RBMS3: variants seen among roughly 807,000 people sequenced by gnomAD.
The protein encoded by RBMS3 is RNA binding motif single stranded interacting protein 3, also known as RNA-binding motif, single-stranded-interacting protein 3.
RBMS3 carries 27 observed loss-of-function variants against 66.8 expected under a neutral mutation model. That is an observed-to-expected ratio of 0.40 (90% CI 0.30 to 0.56). RBMS3 has a LOEUF of 0.56. RBMS3 is among the 20% of genes least tolerant of loss of function. RBMS3 has a pLI of 0.40. For missense variants in RBMS3, 513 were observed against 549.5 expected (o/e 0.93, Z 0.66); for synonymous variants, 188 against 183.0 (o/e 1.03, Z -0.22).
rs181439958 is a variant in RBMS3 at position 29,638,339 on chromosome 3, C to G, written c.399+51134C>G. Among the ~76,000 whole-genome samples, 8 of 151,626 alleles carry G rather than the reference C, an allele frequency of 5.3e-5. No homozygotes were observed. In the East Asian group the frequency reaches 1.4e-3, roughly 26 times the overall value. On this transcript the variant is annotated intron_variant, in intron 4 of 14. Coordinates refer to ENST00000383767, the MANE Select transcript of RBMS3 (RefSeq NM_001003793.3). ...ACATGTATTGAATTTCAATCCATGT[C>G]AAGGATAGATTATGAGCCTATCTTA...
At chr3:29,531,384 G>T (rs780959093) in intron 3 of RBMS3, among the ~76,000 whole-genome samples, 3 of 152,342 alleles carry the variant, frequency 2.0e-5, no homozygotes, top group Non-Finnish European at 2.9e-5. Context: ...GACTTACATG[G>T]ATTGTTTTCA....
chr3:29,425,201 A>AAC (rs397877360), intron 1 of RBMS3, among the ~76,000 whole-genome samples: 2 of 102,510 alleles, frequency 2.0e-5, no homozygotes, highest in Admixed American at 9.6e-5. Flanking sequence ...AAAAAAAAAA[A>AAC]CCCCCCAAAA....
At chr3:29,852,972 T>C (rs1441233903) in intron 6 of RBMS3, among the ~76,000 whole-genome samples, 1 of 152,210 alleles carries the variant, frequency 6.6e-6, no homozygotes, top group African/African-American at 2.4e-5. Flanking sequence ...TGGAATACTA[T>C]GCAGCCATAA....
intron 2 of RBMS3, among the ~76,000 whole-genome samples, chr3:29,436,933 G>C (rs1333493887): frequency 6.6e-6 from 1 of 152,232 alleles, no homozygotes; most frequent in Non-Finnish European, 1.5e-5. Flanking sequence ...GATGAGGGTA[G>C]TTGAGATGGA....
chr3:29,519,008 G>A (rs914570077), intron 3 of RBMS3, among the ~76,000 whole-genome samples: 14 of 152,162 alleles, frequency 9.2e-5, no homozygotes. Context: ...TACGCAGAGA[G>A]CAAATTCTGC....
chr3:29,627,050 A>G (rs1439743682), intron 4 of RBMS3, among the ~76,000 whole-genome samples: 1 of 152,176 alleles, frequency 6.6e-6, no homozygotes, highest in East Asian at 1.9e-4. Flanking sequence ...TATCTGAAAA[A>G]TAGTAATAAG....
intron 6 of RBMS3, among the ~76,000 whole-genome samples, chr3:29,821,202 G>T (rs1385828133): frequency 1.3e-5 from 2 of 152,028 alleles, no homozygotes; most frequent in Admixed American, 1.3e-4. Flanking sequence ...GATACAATTT[G>T]ATTTTTCTTT....
intron 3 of RBMS3, among the ~76,000 whole-genome samples, chr3:29,536,844 C>A (rs1414621783): frequency 1.3e-5 from 2 of 152,152 alleles, no homozygotes; most frequent in African/African-American, 4.8e-5. Context: ...GCTCCGACTG[C>A]AAGTGATATT....
At chr3:29,680,694 CT>C (rs2051449871) in intron 4 of RBMS3, among the ~76,000 whole-genome samples, 1 of 152,018 alleles carries the variant, frequency 6.6e-6, no homozygotes, top group South Asian at 2.1e-4. Context: ...TACAATGAAC[CT>C]TTTACTATTC....
intron 4 of RBMS3, among the ~76,000 whole-genome samples, chr3:29,677,821 G>C (rs911487646): frequency 6.6e-6 from 1 of 152,074 alleles, no homozygotes; most frequent in African/African-American, 2.4e-5. Context: ...ACACTCTTGG[G>C]GTTAGTGTAA....
At chr3:29,686,660 C>T (rs1308461637) in intron 4 of RBMS3, among the ~76,000 whole-genome samples, 1 of 152,070 alleles carries the variant, frequency 6.6e-6, no homozygotes, top group Non-Finnish European at 1.5e-5. Context: ...CTGGACCACA[C>T]AGAAAAACCC....
intron 4 of RBMS3, among the ~76,000 whole-genome samples, chr3:29,612,381 T>C (rs1179258048): frequency 6.6e-6 from 1 of 152,100 alleles, no homozygotes; most frequent in Non-Finnish European, 1.5e-5. Context: ...TTTATAGATA[T>C]GTCATAATTT....
In RBMS3 at chr3:29,892,802, A is replaced by AGTATGTTT. The variant is rs1553694235; in HGVS notation, c.792-4571_792-4570insTTGTATGT. Among the ~76,000 whole-genome samples, 916 of 140,170 alleles carry AGTATGTTT rather than the reference A, an allele frequency of 6.5e-3. 3 individuals carry two copies. Among genetic ancestry groups the AGTATGTTT allele is most frequent in the Non-Finnish European group, 0.01 (659 of 64,602 alleles). The allele number at this position is 140,170 out of a possible 152,430, so 92.0% of individuals were successfully genotyped here. A position where few individuals can be genotyped will look rare whatever the true frequency, so the allele number is the denominator to read the frequency against. ...CCAGTAGCATGACATCTCTGCTTGA[A>AGTATGTTT]GTATGTATGTATGTATGTATGTATG... On this transcript the variant is annotated intron_variant, in intron 8 of 14. Coordinates refer to ENST00000383767, the MANE Select transcript of RBMS3 (RefSeq NM_001003793.3).
intron 6 of RBMS3, among the ~76,000 whole-genome samples, chr3:29,839,134 C>T (rs1213723470): frequency 1.3e-5 from 2 of 152,114 alleles, no homozygotes; most frequent in Non-Finnish European, 2.9e-5. Flanking sequence ...TCATCTGTAG[C>T]CATTAATTTG....
intron 1 of RBMS3, among the ~76,000 whole-genome samples, chr3:29,304,112 C>T (rs1444259700): frequency 6.6e-6 from 1 of 151,890 alleles, no homozygotes; most frequent in Non-Finnish European, 1.5e-5. Context: ...CAGAGCCAAA[C>T]CATATCACAT....
At chr3:29,627,908 G>C (rs1456167941) in intron 4 of RBMS3, among the ~76,000 whole-genome samples, 1 of 152,022 alleles carries the variant, frequency 6.6e-6, no homozygotes, top group Non-Finnish European at 1.5e-5. Flanking sequence ...CAGATATGAG[G>C]GGGTAACTTG....
chr3:29,558,168 A>G (rs1576221932), intron 3 of RBMS3, among the ~76,000 whole-genome samples: 1 of 152,212 alleles, frequency 6.6e-6, no homozygotes, highest in East Asian at 1.9e-4. Flanking sequence ...TACACATCCC[A>G]TAACGGCACA....
At chr3:29,998,985 C>A in intron 14 of RBMS3, among the ~76,000 whole-genome samples, 1 of 152,000 alleles carries the variant, frequency 6.6e-6, no homozygotes, top group Non-Finnish European at 1.5e-5. Context: ...GAACAGGCAA[C>A]CTACAGAATG....
At chr3:29,522,852 A>C (rs1206360676) in intron 3 of RBMS3, among the ~76,000 whole-genome samples, 1 of 152,308 alleles carries the variant, frequency 6.6e-6, no homozygotes, top group East Asian at 1.9e-4. Flanking sequence ...TGGCCAGCAC[A>C]CATGAGGTGC....
Sources: gnomAD v4.1 joint callset for allele counts (sites outside exome capture counted in the v4.1 genomes callset) on GRCh38, gnomAD v4.1.1 for gene constraint, MANE v1.5 for transcripts, NCBI Gene and HGNC (gene_info 2026-07-23, HGNC 2026-07-21) for gene names.